Variants in CARMIL1 observed in about 807,000 individuals in gnomAD.
CARMIL1 encodes capping protein regulator and myosin 1 linker 1.
A neutral mutation model predicts 177.1 loss-of-function variants in CARMIL1; 90 were observed. The ratio of observed to expected loss-of-function variants is 0.51; its 90% CI spans 0.43 to 0.61. The LOEUF is 0.61. Ranked by LOEUF, CARMIL1 falls within the 20% of genes least tolerant of loss-of-function variation. CARMIL1 has a pLI of 0.00. For missense variants in CARMIL1, 1,380 were observed against 1,667.0 expected, an observed-to-expected ratio of 0.83 and a Z score of 3.00; for synonymous variants, 577 against 606.2, an observed-to-expected ratio of 0.95 and a Z score of 0.71.
At chr6:25,411,731 G>A (rs755541241) in intron 2 of CARMIL1, among the ~76,000 whole-genome samples, 1 of 152,236 alleles carries the variant, frequency 6.6e-6, no homozygotes, top group East Asian at 1.9e-4. Flanking sequence ...ACAGGTGTTA[G>A]AGTACGTAGA....
intron 2 of CARMIL1, among the ~76,000 whole-genome samples, chr6:25,340,588 G>A (rs893402232): frequency 2.0e-5 from 3 of 152,010 alleles, no homozygotes; most frequent in African/African-American, 7.3e-5. Flanking sequence ...ATGTAAGATT[G>A]AACCCCAAAC....
At chr6:25,391,376 A>G (rs900336400) in intron 2 of CARMIL1, among the ~76,000 whole-genome samples, 7 of 152,176 alleles carry the variant, frequency 4.6e-5, no homozygotes, top group Admixed American at 6.5e-5. Flanking sequence ...TGGGCTGTCT[A>G]TCCTAGGATA....
At chr6:25,502,257 A>C (rs567554291) in intron 17 of CARMIL1, among the ~76,000 whole-genome samples, 3 of 151,138 alleles carry the variant, frequency 2.0e-5, no homozygotes, top group South Asian at 2.1e-4. Flanking sequence ...AACAAACAAA[A>C]AAAAAACAAA....
intron 3 of CARMIL1, among the ~76,000 whole-genome samples, chr6:25,424,605 G>T (rs968588129): frequency 2.0e-5 from 3 of 152,164 alleles, no homozygotes; most frequent in African/African-American, 7.2e-5. Flanking sequence ...AGTTATAGTA[G>T]CAAATGTTTT....
At chr6:25,357,951 A>C (rs752446867) in intron 2 of CARMIL1, among the ~76,000 whole-genome samples, 62 of 152,336 alleles carry the variant, frequency 4.1e-4, no homozygotes, top group Non-Finnish European at 6.9e-4. Flanking sequence ...GTGCAGGATG[A>C]ATCTTTTCAG....
intron 11 of CARMIL1, among the ~76,000 whole-genome samples, chr6:25,481,616 A>G (rs931249847): frequency 1.3e-5 from 2 of 152,228 alleles, no homozygotes; most frequent in African/African-American, 4.8e-5. Context: ...GTCTATGCTC[A>G]TTGCAGTCCT....
chr6:25,534,769 T>A (rs1048699481), intron 24 of CARMIL1, among the ~76,000 whole-genome samples: 1 of 152,216 alleles, frequency 6.6e-6, no homozygotes, highest in East Asian at 1.9e-4. Flanking sequence ...TCTTCCCACT[T>A]CCAGGTTTTT....
chr6:25,603,199 A>G (rs1815605432), intron 33 of CARMIL1, among the ~76,000 whole-genome samples: 3 of 152,222 alleles, frequency 2.0e-5, no homozygotes, highest in African/African-American at 7.2e-5. Flanking sequence ...AGGATGTGAA[A>G]GGGGACTTCA....
rs1581441308 is a variant in CARMIL1 at position 25,284,914 on chromosome 6, G to C, written c.138+5G>C. ...AAAGTTGAAAACAAAGTGCTGGTAA[G>C]TATTGCTGTTTATTTTTATTAAATG... On this transcript the variant is annotated splice_donor_5th_base_variant and intron_variant, in intron 2 of 36. Coordinates refer to ENST00000329474, the MANE Select transcript of CARMIL1 (RefSeq NM_017640.6). The C allele has an allele frequency of 1.0e-5, 15 of 1,495,632 alleles. No individual in the cohort carries two copies. The East Asian group carries it at 3.6e-4, about 36-fold the overall frequency. 92.6% of individuals were successfully genotyped at this position (1,495,632 alleles called of 1,614,324 possible).
intron 10 of CARMIL1, among the ~76,000 whole-genome samples, chr6:25,471,558 C>T (rs1452330533): frequency 6.6e-6 from 1 of 151,978 alleles, no homozygotes; most frequent in East Asian, 1.9e-4. Flanking sequence ...CTTTCTGTGC[C>T]TCATTCTCTT....
At chr6:25,513,374 C>G (rs1014216849) in intron 20 of CARMIL1, among the ~76,000 whole-genome samples, 2 of 152,126 alleles carry the variant, frequency 1.3e-5, no homozygotes, top group African/African-American at 4.8e-5. Flanking sequence ...TAAATGTATT[C>G]AGACTTTTTG....
At chr6:25,536,897 A>G (rs1035805594) in intron 24 of CARMIL1, among the ~76,000 whole-genome samples, 1 of 151,992 alleles carries the variant, frequency 6.6e-6, no homozygotes, top group Admixed American at 6.6e-5. Context: ...GACTCTTGAC[A>G]TGTAAGGCCT....
chr6:25,450,621 A>T lies in CARMIL1; in HGVS notation c.541-17A>T, dbSNP rs565769225. On this transcript the variant is annotated splice_polypyrimidine_tract_variant and intron_variant, in intron 7 of 36. Coordinates refer to ENST00000329474, the MANE Select transcript of CARMIL1 (RefSeq NM_017640.6). ...TCTGCATGGACTGATGACATGACTG[A>T]ATTATATTTCAAATAGGATGTGGAT... 1.4e-5 allele frequency: 20 copies of T among 1,476,682 alleles called. No individual in the cohort carries two copies. The highest frequency in any genetic ancestry group is 3.4e-5 in the Admixed American group (2 of 58,246). The allele number at this position is 1,476,682 out of a possible 1,614,324, so 91.5% of individuals were successfully genotyped here.
chr6:25,615,517 G>T (rs1816824166), intron 36 of CARMIL1, among the ~76,000 whole-genome samples: 1 of 151,956 alleles, frequency 6.6e-6, no homozygotes, highest in African/African-American at 2.4e-5. Context: ...GTTGATTTTG[G>T]CTTTGAATGC....
intron 2 of CARMIL1, among the ~76,000 whole-genome samples, chr6:25,384,867 C>T (rs1791991072): frequency 6.6e-6 from 1 of 152,192 alleles, no homozygotes; most frequent in Non-Finnish European, 1.5e-5. Context: ...GCAAGCCTAA[C>T]ATCATCATCC....
chr6:25,589,261 C>T (rs1814074283), intron 31 of CARMIL1, among the ~76,000 whole-genome samples: 1 of 152,202 alleles, frequency 6.6e-6, no homozygotes, highest in Admixed American at 6.5e-5. Flanking sequence ...ACTTAGCCAT[C>T]TTGTTTCAGT....
At chr6:25,540,959 T>C (rs1808830178) in intron 26 of CARMIL1, among the ~76,000 whole-genome samples, 1 of 152,244 alleles carries the variant, frequency 6.6e-6, no homozygotes, top group Non-Finnish European at 1.5e-5. Context: ...AGAGGGACTC[T>C]GTGTATCATT....
intron 2 of CARMIL1, among the ~76,000 whole-genome samples, chr6:25,288,218 G>A (rs542926385): frequency 4.5e-4 from 69 of 152,306 alleles, no homozygotes; most frequent in African/African-American, 1.5e-3. Context: ...AACAGAATAC[G>A]TCTGGAAGCC....
chr6:25,604,691 A>G (rs909587985), intron 33 of CARMIL1, 121 bp from the exon 34 acceptor site: 1 of 733,184 alleles, frequency 1.4e-6, no homozygotes, highest in Admixed American at 2.2e-5. Context: ...AGGCACAGTC[A>G]CCATAACAGC....
Sources: gnomAD v4.1 joint callset for allele counts (sites outside exome capture counted in the v4.1 genomes callset) on GRCh38, gnomAD v4.1.1 for gene constraint, MANE v1.5 for transcripts, NCBI Gene and HGNC (gene_info 2026-07-23, HGNC 2026-07-21) for gene names.